Variants in ANK1 observed in about 807,000 individuals in gnomAD.
ANK1 encodes ankyrin 1.
In ANK1, 51 loss-of-function variants were observed where a neutral mutation model predicts 210.4. The ratio of observed to expected loss-of-function variants is 0.24; its 90% confidence interval spans 0.19 to 0.31. The LOEUF is 0.31. ANK1 is among the 10% of genes least tolerant of loss of function. ANK1 has a pLI of 1.00. For synonymous variants in ANK1, 967 were observed against 1,025.9 expected (o/e 0.94, Z 1.10); for missense variants, 2,051 against 2,504.4 (o/e 0.82, Z 3.86).
chr8:41,873,500 C>CT (rs1423778156), intron 1 of ANK1, among the ~76,000 whole-genome samples: 1 of 152,232 alleles, frequency 6.6e-6, no homozygotes, highest in Non-Finnish European at 1.5e-5. Context: ...AGACAAGAAA[C>CT]TGAGACTGAA....
chr8:41,726,247 TG>T (rs1830668430), intron 5 of ANK1, among the ~76,000 whole-genome samples: 1 of 152,248 alleles, frequency 6.6e-6, no homozygotes, highest in Non-Finnish European at 1.5e-5. Context: ...AACTTTTGAC[TG>T]CTCAGATTCT....
Position 41,705,381 on chromosome 8 carries a change from C to T in ANK1, c.2097+762G>A, listed in dbSNP as rs116843674. Among the ~76,000 whole-genome samples, 174 of 152,292 alleles carry T rather than the reference C, an allele frequency of 1.1e-3. 4 individuals are homozygous for T. In the East Asian group the frequency reaches 0.029, roughly 25 times the overall value. On this transcript the variant is annotated intron_variant, in intron 18 of 42. Coordinates refer to ENST00000289734, the MANE Select transcript of ANK1 (RefSeq NM_000037.4). ...TGAAGCCTCAAAGATCCAGAACATT[C>T]GTGGATTTTAAGCAGATTGCTGTGG...
At chr8:41,701,987 C>T (rs1480300696) in intron 21 of ANK1, 65 bp downstream of exon 21, 10 of 1,535,864 alleles carry the variant, frequency 6.5e-6, no homozygotes, top group Non-Finnish European at 8.1e-6. Context: ...CCAGAGTAAC[C>T]CCAGGCACGC....
intron 1 of ANK1, among the ~76,000 whole-genome samples, chr8:41,768,880 A>T (rs1842436857): frequency 6.6e-6 from 1 of 152,074 alleles, no homozygotes; most frequent in African/African-American, 2.4e-5. Flanking sequence ...CTGTGACAGG[A>T]GGATCACCTG....
intron 1 of ANK1, among the ~76,000 whole-genome samples, chr8:41,838,408 A>G (rs1808188777): frequency 6.6e-6 from 1 of 152,222 alleles, no homozygotes; most frequent in Non-Finnish European, 1.5e-5. Context: ...GCTAACATTT[A>G]TTAATAGTAA....
At chr8:41,779,490 G>A (rs536470379) in intron 1 of ANK1, among the ~76,000 whole-genome samples, 1 of 152,040 alleles carries the variant, frequency 6.6e-6, no homozygotes, top group Non-Finnish European at 1.5e-5. Context: ...CTGGCCTCAA[G>A]TGATCTTCTT....
chr8:41,698,236 C>T, intron 23 of ANK1, 115 bp from the exon 24 acceptor site: 1 of 1,023,548 alleles, frequency 9.8e-7, no homozygotes, highest in South Asian at 1.3e-5. Flanking sequence ...CCTGACTGCG[C>T]TTCACAACCT....
At chr8:41,668,048 G>A (rs1811104161) in intron 39 of ANK1, among the ~76,000 whole-genome samples, 1 of 152,248 alleles carries the variant, frequency 6.6e-6, no homozygotes, top group African/African-American at 2.4e-5. Context: ...ACTCTGATCA[G>A]CAGCTGCCCA....
At chr8:41,778,084 C>A (rs776021363) in intron 1 of ANK1, among the ~76,000 whole-genome samples, 1 of 152,160 alleles carries the variant, frequency 6.6e-6, no homozygotes, top group African/African-American at 2.4e-5. Context: ...TAGGCTTTTT[C>A]CTCATTCATT....
At chr8:41,671,186 C>A (rs539135506) in intron 38 of ANK1, among the ~76,000 whole-genome samples, 3 of 152,136 alleles carry the variant, frequency 2.0e-5, no homozygotes, top group African/African-American at 4.8e-5. Flanking sequence ...CTTCTCAGTG[C>A]GGGAAGCGTG....
intron 1 of ANK1, among the ~76,000 whole-genome samples, chr8:41,830,757 G>A (rs1350186678): frequency 2.0e-5 from 3 of 152,124 alleles, no homozygotes; most frequent in African/African-American, 7.2e-5. Context: ...GTTCTGTGTC[G>A]GTTCTGCTTG....
In ANK1 at chr8:41,690,549, A is replaced by G. The variant is rs1365679497; in HGVS notation, c.3909T>C (p.Pro1303=). The part of the protein sequence containing the change: ...LFAELSGNLV[P]VKKAAQQRSF... ...TCCGCTGCTGGGCAGCTTTCTTCAC[A>G]GGCACCAGGTTCCCAGAGAGTTCTG... is the stretch of plus-strand genomic sequence containing the variant. Residue 1303 remains proline (P), a synonymous_variant, in exon 32 of 43, where the codon CCT becomes CCC. Coordinates refer to ENST00000289734, the MANE Select transcript of ANK1 (RefSeq NM_000037.4). The G allele has an allele frequency of 1.2e-6, 2 of 1,613,960 alleles. No individual in the cohort carries two copies. Among genetic ancestry groups the G allele is most frequent in the Non-Finnish European group, 8.5e-7 (1 of 1,179,912 alleles).
At chr8:41,816,050 A>G (rs1250540960) in intron 1 of ANK1, among the ~76,000 whole-genome samples, 2 of 152,210 alleles carry the variant, frequency 1.3e-5, no homozygotes, top group Non-Finnish European at 2.9e-5. Flanking sequence ...TACTGTTTAA[A>G]AGTCCATTTA....
At chr8:41,690,712 A>G (rs566365145) in intron 31 of ANK1, 113 bp from the exon 32 acceptor site, 3 of 1,492,610 alleles carry the variant, frequency 2.0e-6, no homozygotes, top group Admixed American at 1.7e-5. Context: ...AGCAAGAGGC[A>G]TGCGGGTGTG....
rs909120771 is a variant in ANK1, at chr8:41,668,363, G to A, written c.5298C>T (p.Pro1766=). The change falls in exon 39 of 43, where the codon CCC becomes CCT. Residue 1766 remains proline (P), a synonymous_variant. Coordinates refer to ENST00000289734, the MANE Select transcript of ANK1 (RefSeq NM_000037.4). The part of the protein sequence containing the change: ...SVSEHTWTEQ[P]EAESSQADRD... ...TGTCGGCCTGGGAGCTCTCAGCCTC[G>A]GGCTGTTCTGTCCACGTGTGCTCAC... The A allele has an allele frequency of 1.1e-5, 18 of 1,614,028 alleles. No individual in the cohort carries two copies. The highest frequency in any genetic ancestry group is 5.0e-5 in the Admixed American group (3 of 60,002).
chr8:41,778,889 C>G (rs897600154), intron 1 of ANK1, among the ~76,000 whole-genome samples: 2 of 152,198 alleles, frequency 1.3e-5, no homozygotes, highest in African/African-American at 2.4e-5. Flanking sequence ...GCAGGAAGCC[C>G]GCGCTCATAG....
At position 41,690,236 on chromosome 8, in the gene ANK1, G is replaced by A. The variant is rs1818898579; in HGVS notation, c.4095C>T (p.Pro1365=). ...GCAGGTGCCAGCTCACCTTGGCGCA[G>A]GGGGGCATGGTGATGTTCAGGTGGC... The part of the protein sequence containing the change: ...ILCHLNITMP[P]CAKGSGAEDR... The change falls in exon 33 of 43, where the codon CCC becomes CCT. Residue 1365 remains proline (P), a synonymous_variant. Transcript: ENST00000289734. 1.2e-6 allele frequency: 2 copies of A among 1,613,822 alleles called. No individual in the cohort carries two copies. Among genetic ancestry groups the A allele is most frequent in the Admixed American group, 3.3e-5 (2 of 60,000 alleles).
chr8:41,727,372 T>A (rs1291042906), intron 4 of ANK1, 24 bp from the exon 5 acceptor site: 1 of 1,562,336 alleles, frequency 6.4e-7, no homozygotes, highest in Admixed American at 1.7e-5. Context: ...GAGGACATCA[T>A]TAGCATCCAC....
chr8:41,693,276 C>T (rs1462795587), intron 29 of ANK1, 75 bp from the exon 30 acceptor site: 23 of 1,343,658 alleles, frequency 1.7e-5, no homozygotes, highest in South Asian at 2.4e-5. Flanking sequence ...ATGCTAAGGC[C>T]GTGGTGTGCA....
Sources: gnomAD v4.1 joint callset for allele counts (sites outside exome capture counted in the v4.1 genomes callset) on GRCh38, gnomAD v4.1.1 for gene constraint, MANE v1.5 for transcripts, NCBI Gene and HGNC (gene_info 2026-07-23, HGNC 2026-07-21) for gene names.